PABPC4L: variants seen among roughly 807,000 people sequenced by gnomAD.
PABPC4L encodes the protein poly(A) binding protein cytoplasmic 4 like.
For missense variants in PABPC4L, 452 were observed against 451.4 expected (o/e 1.00, Z -0.01); for synonymous variants, 169 against 164.1 (o/e 1.03, Z -0.23).
the PABPC4L span, among the ~76,000 whole-genome samples, chr4:134,093,453 G>A: frequency 6.6e-6 from 1 of 150,976 alleles, no homozygotes; most frequent in Non-Finnish European, 1.5e-5. Context: ...TACTTGACAT[G>A]GTTTGTTCTA....
chr4:134,199,125 C>T lies in PABPC4L; in HGVS notation c.*782G>A, dbSNP rs1729761114. Reference sequence around the variant, plus strand: ...ATATAGGTATGAAGAGATTTAAGACCAGGCCAACTTTGGATCACCTGAGTT... The same window carrying T: ...ATATAGGTATGAAGAGATTTAAGACTAGGCCAACTTTGGATCACCTGAGTT... On this transcript the variant is annotated 3_prime_UTR_variant, in exon 2 of 2. Coordinates refer to ENST00000421491, the MANE Select transcript of PABPC4L (RefSeq NM_001114734.2). 6.6e-6 allele frequency: 1 copy of T among 151,780 alleles called. No homozygotes were observed. The highest frequency in any genetic ancestry group is 6.6e-5 in the Admixed American group (1 of 15,240). 9.4% of individuals were successfully genotyped at this position (151,780 alleles called of 1,614,324 possible).
chr4:133,996,047 C>G, the PABPC4L span, among the ~76,000 whole-genome samples: 2,419 of 152,226 alleles, frequency 0.016, 67 homozygotes, highest in African/African-American at 0.055. Context: ...CTTTCTAATG[C>G]CACTTGCCTA....
the PABPC4L span, among the ~76,000 whole-genome samples, chr4:134,156,705 G>T: frequency 6.6e-6 from 1 of 151,612 alleles, no homozygotes; most frequent in Non-Finnish European, 1.5e-5. Flanking sequence ...AAATATTTCA[G>T]TAATAAAGTC....
the PABPC4L span, among the ~76,000 whole-genome samples, chr4:134,039,130 G>A: frequency 6.6e-6 from 1 of 152,078 alleles, no homozygotes; most frequent in Non-Finnish European, 1.5e-5. Flanking sequence ...TAGTTGTGCG[G>A]TTTTGATTGA....
the PABPC4L span, among the ~76,000 whole-genome samples, chr4:134,153,854 A>G: frequency 1.4e-3 from 149 of 102,866 alleles, no homozygotes; most frequent in African/African-American, 5.2e-3. Context: ...ACAGGGTCTC[A>G]CTTTACAAAT....
chr4:134,077,139 C>A, the PABPC4L span, among the ~76,000 whole-genome samples: 1 of 152,044 alleles, frequency 6.6e-6, no homozygotes, highest in Non-Finnish European at 1.5e-5. Flanking sequence ...TATATGTGCA[C>A]GCATTTGTCT....
At chr4:134,038,776 C>A in the PABPC4L span, among the ~76,000 whole-genome samples, 1 of 152,004 alleles carries the variant, frequency 6.6e-6, no homozygotes, top group Non-Finnish European at 1.5e-5. Context: ...AAACCAGCTC[C>A]TGGATTCATT....
chr4:133,984,068 C>G, the PABPC4L span, among the ~76,000 whole-genome samples: 1 of 151,700 alleles, frequency 6.6e-6, no homozygotes, highest in Non-Finnish European at 1.5e-5. Flanking sequence ...GAAGTTAAAT[C>G]ATATTGTATT....
At chr4:134,110,341 T>C in the PABPC4L span, among the ~76,000 whole-genome samples, 1 of 152,022 alleles carries the variant, frequency 6.6e-6, no homozygotes, top group Admixed American at 6.6e-5. Context: ...TTTGATAGTG[T>C]AGGGTTTATT....
the PABPC4L span, among the ~76,000 whole-genome samples, chr4:133,988,140 A>G: frequency 6.6e-6 from 1 of 152,168 alleles, no homozygotes. Context: ...ACACAATTCA[A>G]GATGATATTC....
At chr4:133,981,621 A>G in the PABPC4L span, among the ~76,000 whole-genome samples, 19 of 152,102 alleles carry the variant, frequency 1.2e-4, no homozygotes, top group Non-Finnish European at 2.2e-4. Context: ...TTAGATTACA[A>G]TGACACTCAA....
the PABPC4L span, among the ~76,000 whole-genome samples, chr4:133,980,480 G>A: frequency 7.2e-5 from 11 of 152,172 alleles, no homozygotes; most frequent in Admixed American, 6.6e-4. Flanking sequence ...CTTGAGTCTA[G>A]AAAACACAGT....
At chr4:134,157,990 G>C in the PABPC4L span, among the ~76,000 whole-genome samples, 56 of 151,858 alleles carry the variant, frequency 3.7e-4, no homozygotes, top group Middle Eastern at 0.014. Context: ...TATTTAGAAA[G>C]TTTTGCAATT....
At chr4:133,979,575 C>A in the PABPC4L span, among the ~76,000 whole-genome samples, 1 of 152,098 alleles carries the variant, frequency 6.6e-6, no homozygotes, top group Non-Finnish European at 1.5e-5. Flanking sequence ...CGTATTAGTT[C>A]CATAAAGACG....
rs373199030 is a variant in PABPC4L, at chr4:134,197,990, G to A, written c.*1917C>T. On this transcript the variant is annotated 3_prime_UTR_variant, in exon 2 of 2. Transcript: ENST00000421491. The stretch of plus-strand genomic sequence containing the variant: ...TAGATATATTTGCATATATAAGTTC[G>A]CAAGGATGTTAATCTCCAAGTTATT... 4.6e-5 allele frequency: 7 copies of A among 151,544 alleles called. No individual in the cohort carries two copies. Among genetic ancestry groups the A allele is most frequent in the African/African-American group, 1.7e-4 (7 of 41,424 alleles). 9.4% of individuals were successfully genotyped at this position (151,544 alleles called of 1,614,324 possible).
At chr4:134,047,528 G>T in the PABPC4L span, among the ~76,000 whole-genome samples, 2 of 152,030 alleles carry the variant, frequency 1.3e-5, no homozygotes, top group Non-Finnish European at 2.9e-5. Flanking sequence ...TATACAAATG[G>T]CTCAGCCCTC....
chr4:133,995,783 C>A, the PABPC4L span, among the ~76,000 whole-genome samples: 42,363 of 151,964 alleles, frequency 0.28, 8,624 homozygotes, highest in African/African-American at 0.53. Flanking sequence ...TTGGCTTGTT[C>A]ACACAACTCA....
the PABPC4L span, among the ~76,000 whole-genome samples, chr4:134,050,880 AT>A: frequency 0.24 from 31,961 of 133,876 alleles, 3,132 homozygotes; most frequent in Non-Finnish European, 0.26. Context: ...ATTGACCTTT[AT>A]TTTTTTTTTT....
chr4:134,117,547 T>C, the PABPC4L span, among the ~76,000 whole-genome samples: 3 of 151,696 alleles, frequency 2.0e-5, no homozygotes, highest in African/African-American at 4.8e-5. Context: ...TTCCTGACCA[T>C]AGAAACCGTG....
Sources: gnomAD v4.1 joint callset for allele counts (sites outside exome capture counted in the v4.1 genomes callset) on GRCh38, gnomAD v4.1.1 for gene constraint, MANE v1.5 for transcripts, NCBI Gene and HGNC (gene_info 2026-07-23, HGNC 2026-07-21) for gene names.